Variants in FBXL4 observed in about 807,000 individuals in gnomAD.
FBXL4 encodes F-box/LRR-repeat protein 4.
Under a neutral mutation model 58.9 loss-of-function variants are expected in FBXL4, and 40 were observed. The ratio of observed to expected loss-of-function variants is 0.68; its 90% CI spans 0.53 to 0.88. The LOEUF is 0.88. Among genes scored for constraint, FBXL4 ranks in the 40% least tolerant of loss-of-function variants. The pLI, the probability that FBXL4 is intolerant of heterozygous loss-of-function variation, is 0.00. For synonymous variants in FBXL4, 263 were observed against 265.5 expected, an observed-to-expected ratio of 0.99 and a Z score of 0.09; for missense variants, 676 against 734.4, an observed-to-expected ratio of 0.92 and a Z score of 0.92.
At chr6:98,928,574 C>T (rs1220048008) in intron 2 of FBXL4, among the ~76,000 whole-genome samples, 3 of 152,154 alleles carry the variant, frequency 2.0e-5, no homozygotes, top group Non-Finnish European at 2.9e-5. Context: ...AGGTGATCTG[C>T]CTGCCTCGGC....
rs1206096575 is a variant in FBXL4 at position 98,870,606 on chromosome 6, C to A, written c.*3672G>T. 6.6e-6 allele frequency: 1 copy of A among 152,094 alleles called. No homozygotes were observed. Among genetic ancestry groups the A allele is most frequent in the Admixed American group, 6.6e-5 (1 of 15,262 alleles). 9.4% of individuals were successfully genotyped at this position (152,094 alleles called of 1,614,324 possible). ...TTTGAGTGCCACATATGTTGTCATA[C>A]CACAATATTTTTAAATTTTTTATTA... On this transcript the variant is annotated 3_prime_UTR_variant, in exon 10 of 10. Coordinates refer to ENST00000369244, the MANE Select transcript of FBXL4 (RefSeq NM_001278716.2).
intron 1 of FBXL4, among the ~76,000 whole-genome samples, chr6:98,945,328 T>C (rs1314581246): frequency 6.6e-6 from 1 of 152,164 alleles, no homozygotes; most frequent in South Asian, 2.1e-4. Context: ...AAAGACAAGA[T>C]ACTATTATAT....
chr6:98,888,331 C>T (rs1174188586), intron 7 of FBXL4, among the ~76,000 whole-genome samples: 1 of 152,202 alleles, frequency 6.6e-6, no homozygotes, highest in African/African-American at 2.4e-5. Context: ...ATAGGGCCTG[C>T]AAGGCCTAAA....
At chr6:98,939,970 A>G (rs1411186427) in intron 1 of FBXL4, among the ~76,000 whole-genome samples, 1 of 152,230 alleles carries the variant, frequency 6.6e-6, no homozygotes, top group East Asian at 1.9e-4. Flanking sequence ...TTACAGTAGT[A>G]CAGTATGTAC....
chr6:98,940,749 T>C (rs1426646369), intron 1 of FBXL4, among the ~76,000 whole-genome samples: 1 of 152,126 alleles, frequency 6.6e-6, no homozygotes, highest in Admixed American at 6.5e-5. Flanking sequence ...TTTCATCTAC[T>C]TGAAAATATC....
chr6:98,927,133 C>T, intron 3 of FBXL4, 73 bp from the exon 4 acceptor site: 1 of 710,894 alleles, frequency 1.4e-6, no homozygotes, highest in South Asian at 1.9e-5. Flanking sequence ...AGGTAATGAA[C>T]AGGCTCTACC....
At chr6:98,901,240 A>AG (rs1771599835) in intron 6 of FBXL4, among the ~76,000 whole-genome samples, 1 of 152,186 alleles carries the variant, frequency 6.6e-6, no homozygotes, top group Non-Finnish European at 1.5e-5. Context: ...AGATGTGGTG[A>AG]GTAAAACCCT....
chr6:98,896,430 T>C (rs1048719313), intron 7 of FBXL4, among the ~76,000 whole-genome samples: 11 of 152,180 alleles, frequency 7.2e-5, no homozygotes, highest in Admixed American at 3.3e-4. Context: ...ATTTACTTAG[T>C]GCCCATGTGG....
chr6:98,905,608 G>A lies in FBXL4; in HGVS notation c.921C>T (p.Cys307=). ...CACAGCAATGCTGGCTCAGTAGTTT[G>A]CAAGTCTGTGCTAATCTACACAGGT... The part of the protein sequence containing the change: ...LPDLCRLAQT[C]KLLSQHCCDP... The change falls in exon 6 of 10, where the codon TGC becomes TGT. Residue 307 remains cysteine (C), a synonymous_variant. Transcript: ENST00000369244. 6.2e-7 allele frequency: 1 copy of A among 1,613,496 alleles called. No individual in the cohort carries two copies. The highest frequency in any genetic ancestry group is 8.5e-7 in the Non-Finnish European group (1 of 1,179,806).
At chr6:98,933,891 C>G (rs1773104377) in intron 2 of FBXL4, among the ~76,000 whole-genome samples, 1 of 152,116 alleles carries the variant, frequency 6.6e-6, no homozygotes, top group Non-Finnish European at 1.5e-5. Context: ...AAGAAATGTT[C>G]CATATCTTGA....
chr6:98,903,510 C>A lies in FBXL4; in HGVS notation c.1103+1916G>T, dbSNP rs182341374. On this transcript the variant is annotated intron_variant, in intron 6 of 9. Transcript: ENST00000369244. ...TGGCTTTTTCTGATTATTCAAACTG[C>A]TCTACAGCAACTACCCTGGGTGAAT... Among the ~76,000 whole-genome samples, 146 of 152,212 alleles carry A rather than the reference C, an allele frequency of 9.6e-4. 2 individuals carry two copies. In the East Asian group the frequency reaches 0.019, roughly 20 times the overall value.
At position 98,873,333 on chromosome 6, in the gene FBXL4, T is replaced by C. The variant is rs970774557; in HGVS notation, c.*945A>G. ...ATTAAAAATCATAAATGTGGATATA[T>C]ATTATCTATAATATGTATATATAAT... On this transcript the variant is annotated 3_prime_UTR_variant, in exon 10 of 10. Transcript: ENST00000369244. 6 of 147,874 alleles carry C rather than the reference T, an allele frequency of 4.1e-5. No individual in the cohort carries two copies. The highest frequency in any genetic ancestry group is 6.0e-5 in the Non-Finnish European group (4 of 67,178). 9.2% of individuals were successfully genotyped at this position (147,874 alleles called of 1,614,324 possible). A position where few individuals can be genotyped will look rare whatever the true frequency, so the allele number is the denominator to read the frequency against.
At chr6:98,943,579 CAAAAAAAAAA>C (rs59697294) in intron 1 of FBXL4, among the ~76,000 whole-genome samples, 3 of 76,692 alleles carry the variant, frequency 3.9e-5, no homozygotes, top group East Asian at 8.1e-4. Context: ...GACTCTGTCT[CAAAAAAAAAA>C]AAAAAAAAAA....
At chr6:98,906,403 T>G (rs563318193) in intron 5 of FBXL4, among the ~76,000 whole-genome samples, 1 of 151,790 alleles carries the variant, frequency 6.6e-6, no homozygotes, top group East Asian at 2.0e-4. Flanking sequence ...CTCCCACTTA[T>G]GAGTGAGAAC....
intron 7 of FBXL4, among the ~76,000 whole-genome samples, chr6:98,881,049 C>T (rs1296478085): frequency 6.6e-6 from 1 of 152,136 alleles, no homozygotes; most frequent in African/African-American, 2.4e-5. Context: ...GGCTGCAGCT[C>T]TGACATTCAC....
At chr6:98,895,862 G>A (rs906469907) in intron 7 of FBXL4, among the ~76,000 whole-genome samples, 1 of 152,048 alleles carries the variant, frequency 6.6e-6, no homozygotes, top group African/African-American at 2.4e-5. Context: ...TGCAAATTAT[G>A]TAAAGGCACA....
rs143234704 is a variant in FBXL4 at position 98,880,613 on chromosome 6, C to T, written c.1329G>A (p.Leu443=). 1 of 1,613,802 alleles carries T rather than the reference C, an allele frequency of 6.2e-7. No individual in the cohort carries two copies. The highest frequency in any genetic ancestry group is 1.3e-5 in the African/African-American group (1 of 75,018). ...LYRTKVEQTA[L]LSILNFCSEL... ...CTGAACAGAAGTTCAAAATGCTGAG[C>T]AGTGCTGTTTGCTGCCATTAGGGAC... Residue 443 remains leucine, a synonymous_variant, in exon 8 of 10, where the codon CTG becomes CTA. Coordinates refer to ENST00000369244, the MANE Select transcript of FBXL4 (RefSeq NM_001278716.2).
In FBXL4 at chr6:98,927,075, G is replaced by A; in HGVS notation, c.-72-15C>T. 1 of 1,329,462 alleles carries A rather than the reference G, an allele frequency of 7.5e-7. No individual in the cohort carries two copies. Among genetic ancestry groups the A allele is most frequent in the Non-Finnish European group, 1.0e-6 (1 of 966,310 alleles). 82.4% of individuals were successfully genotyped at this position (1,329,462 alleles called of 1,614,324 possible). A position where few individuals can be genotyped will look rare whatever the true frequency, so the allele number is the denominator to read the frequency against. On this transcript the variant is annotated splice_polypyrimidine_tract_variant and intron_variant, in intron 3 of 9. Transcript: ENST00000369244. Reference sequence around the variant, plus strand: ...TGAAGGATGTTCTAAAAAAATGAATGGCTTGGTGAAGTAAAATAATTTAAA... The same window carrying A: ...TGAAGGATGTTCTAAAAAAATGAATAGCTTGGTGAAGTAAAATAATTTAAA...
intron 5 of FBXL4, among the ~76,000 whole-genome samples, chr6:98,913,322 G>A (rs904287869): frequency 2.8e-4 from 42 of 152,040 alleles, no homozygotes; most frequent in Admixed American, 1.0e-3. Context: ...GGCATCAAGC[G>A]GACCTAATAG....
Sources: allele counts gnomAD v4.1 joint callset (sites outside exome capture counted in the v4.1 genomes callset), GRCh38; gene constraint gnomAD v4.1.1; transcripts MANE v1.5; gene names NCBI Gene and HGNC (gene_info 2026-07-23, HGNC 2026-07-21).